The following OGA variants were observed in gnomAD, a reference collection of about 807,000 sequenced individuals.
The protein encoded by OGA is O-GlcNAcase, also known as protein O-GlcNAcase.
A neutral mutation model predicts 102.0 loss-of-function variants in OGA; 21 were observed. The ratio of observed to expected loss-of-function variants is 0.21; its 90% CI spans 0.15 to 0.30. The LOEUF is 0.30. Ranked by LOEUF, OGA falls within the 10% of genes least tolerant of loss-of-function variation. The pLI is 1.00. For missense variants in OGA, 765 were observed against 1,107.8 expected (o/e 0.69, Z 4.39); for synonymous variants, 408 against 378.2 (o/e 1.08, Z -0.91).
chr10:101,815,707 A>C (rs1216226310), intron 1 of OGA, among the ~76,000 whole-genome samples: 1 of 152,020 alleles, frequency 6.6e-6, no homozygotes, highest in Non-Finnish European at 1.5e-5. Context: ...CTCCAATATA[A>C]AAAAAGACTT....
At chr10:101,797,949 G>C in intron 10 of OGA, 31 bp downstream of exon 10, 1 of 1,590,886 alleles carries the variant, frequency 6.3e-7, no homozygotes. Context: ...CAATATATTT[G>C]AGGAGAAGAG....
At chr10:101,812,263 C>T (rs946814946) in intron 3 of OGA, among the ~76,000 whole-genome samples, 4 of 152,072 alleles carry the variant, frequency 2.6e-5, no homozygotes, top group African/African-American at 4.8e-5. Flanking sequence ...GCAGGCCGGC[C>T]GGGCACAGGA....
Position 101,800,257 on chromosome 10 carries a change from G to A in OGA, c.1180C>T (p.Pro394Ser), listed in dbSNP as rs767428001. 14 of 1,613,772 alleles carry A rather than the reference G, an allele frequency of 8.7e-6. No homozygotes were observed. The South Asian group carries it at 1.4e-4, about 16-fold the overall frequency. The change falls in exon 8 of 16, where the codon CCT becomes TCT. Residue 394 changes from proline to serine, a missense_variant. Transcript: ENST00000361464. ...LTEWLQEFGV[P>S]HQYSSRQVAH... Reference sequence around the variant, plus strand: ...CCAAACTCACTGCTGTATTGATGAGGCACACCAAACTCTTGCAACCATTCT... The same window carrying A: ...CCAAACTCACTGCTGTATTGATGAGACACACCAAACTCTTGCAACCATTCT...
chr10:101,811,406 G>GAAAAAAAAAAAAAAAAAAAAAAAAAAA (rs67433227), intron 3 of OGA, among the ~76,000 whole-genome samples: 1 of 45,704 alleles, frequency 2.2e-5, no homozygotes, highest in African/African-American at 9.9e-5. Context: ...GAAAAAAAAT[G>GAAAAAAAAAAAAAAAAAAAAAAAAAAA]AAAAAAAAAA....
At chr10:101,804,113 G>A in intron 6 of OGA, 94 bp from the exon 7 acceptor site, 2 of 1,170,240 alleles carry the variant, frequency 1.7e-6, no homozygotes, top group South Asian at 3.0e-5. Context: ...GGGAGGCAGA[G>A]GTGGGCAGAT....
intron 3 of OGA, among the ~76,000 whole-genome samples, chr10:101,812,154 C>A (rs551403705): frequency 8.1e-4 from 124 of 152,318 alleles, no homozygotes; most frequent in African/African-American, 2.8e-3. Flanking sequence ...TCACCATTTA[C>A]AAGTTCCCAA....
intron 7 of OGA, among the ~76,000 whole-genome samples, chr10:101,802,787 TATTA>T (rs1017589610): frequency 1.5e-4 from 22 of 151,670 alleles, no homozygotes; most frequent in Admixed American, 4.6e-4. Flanking sequence ...CTTAGAACTC[TATTA>T]ATTAGAGATT....
chr10:101,809,490 T>A (rs1248513883), intron 4 of OGA, among the ~76,000 whole-genome samples: 1 of 151,994 alleles, frequency 6.6e-6, no homozygotes, highest in African/African-American at 2.4e-5. Context: ...CTGAAGTGGG[T>A]GAATCACCTA....
chr10:101,792,832 C>T lies in OGA; in HGVS notation c.2175+7G>A. 2 of 1,572,872 alleles carry T rather than the reference C, an allele frequency of 1.3e-6. No individual in the cohort carries two copies. The highest frequency in any genetic ancestry group is 1.1e-5 in the South Asian group (1 of 90,130). On this transcript the variant is annotated splice_region_variant and intron_variant, in intron 12 of 15. Coordinates refer to ENST00000361464, the MANE Select transcript of OGA (RefSeq NM_012215.5). ...TACACCAAGTTGGTAGGTAGAGAGACAATTACCTCATCCTTAGGAAAATAA... is the reference window on the plus strand; with the variant it reads ...TACACCAAGTTGGTAGGTAGAGAGATAATTACCTCATCCTTAGGAAAATAA...
chr10:101,808,979 A>C (rs1247685663), intron 4 of OGA, among the ~76,000 whole-genome samples: 1 of 152,076 alleles, frequency 6.6e-6, no homozygotes, highest in East Asian at 1.9e-4. Context: ...CAAAAAAAAA[A>C]AGGAAAATGG....
intron 15 of OGA, among the ~76,000 whole-genome samples, chr10:101,786,941 G>A (rs1289038615): frequency 6.6e-6 from 1 of 152,058 alleles, no homozygotes; most frequent in African/African-American, 2.4e-5. Context: ...TAGAGACAGG[G>A]TTTCACCATG....
rs779922905 is a variant in OGA, at chr10:101,787,543, T to C, written c.2455-20A>G. On this transcript the variant is annotated intron_variant, in intron 14 of 15. Coordinates refer to ENST00000361464, the MANE Select transcript of OGA (RefSeq NM_012215.5). ...TATTTTCTGGAAAAATTAGAATCTC[T>C]TGACTTTCACAATAGTTACGCATTA... is the stretch of plus-strand genomic sequence containing the variant. 9.4e-6 allele frequency: 15 copies of C among 1,596,662 alleles called. No homozygotes were observed. The highest frequency in any genetic ancestry group is 4.5e-5 in the East Asian group (2 of 44,606).
At chr10:101,815,989 A>AAAAAAAAAAG (rs2065618933) in intron 1 of OGA, among the ~76,000 whole-genome samples, 1 of 150,106 alleles carries the variant, frequency 6.7e-6, no homozygotes, top group Non-Finnish European at 1.5e-5. Context: ...AAAAAAAAAA[A>AAAAAAAAAAG]AGCCAGGCGC....
chr10:101,804,659 T>C (rs184999806), intron 6 of OGA, among the ~76,000 whole-genome samples: 9 of 152,066 alleles, frequency 5.9e-5, no homozygotes, highest in Admixed American at 1.3e-4. Context: ...GGAGTAATCA[T>C]GGCTCACTGC....
chr10:101,796,654 T>C (rs1456451948), intron 10 of OGA, among the ~76,000 whole-genome samples: 1 of 152,058 alleles, frequency 6.6e-6, no homozygotes, highest in East Asian at 1.9e-4. Context: ...CACTGCAACC[T>C]CTGCCTCCTG....
At chr10:101,807,338 G>A (rs1387711989) in intron 5 of OGA, among the ~76,000 whole-genome samples, 1 of 152,160 alleles carries the variant, frequency 6.6e-6, no homozygotes, top group Non-Finnish European at 1.5e-5. Flanking sequence ...GAGCCCAGAT[G>A]GGAGTGGGAG....
In OGA at chr10:101,818,094, G is replaced by A. The variant is rs1299807651; in HGVS notation, c.-72C>T. On this transcript the variant is annotated 5_prime_UTR_variant, in exon 1 of 16. Coordinates refer to ENST00000361464, the MANE Select transcript of OGA (RefSeq NM_012215.5). ...CTGTCCGTTGGGGCACCGGCCCGGA[G>A]CCCTGGAGAGGGCTTCAGCTCCAAG... 2.8e-6 allele frequency: 4 copies of A among 1,447,630 alleles called. No individual in the cohort carries two copies. The highest frequency in any genetic ancestry group is 3.6e-6 in the Non-Finnish European group (4 of 1,098,996). 89.7% of individuals were successfully genotyped at this position (1,447,630 alleles called of 1,614,324 possible). A position where few individuals can be genotyped will look rare whatever the true frequency, so the allele number is the denominator to read the frequency against.
At chr10:101,815,957 AAG>A (rs796190525) in intron 1 of OGA, among the ~76,000 whole-genome samples, 10,598 of 111,344 alleles carry the variant, frequency 0.095, 3,811 homozygotes, top group Non-Finnish European at 0.13. Context: ...AGGTATCAAA[AAG>A]AGAGAAAAAA....
chr10:101,812,914 A>G, intron 3 of OGA, 116 bp downstream of exon 3: 1 of 862,578 alleles, frequency 1.2e-6, no homozygotes, highest in Non-Finnish European at 2.0e-6. Flanking sequence ...ATAGAAGAAA[A>G]GGAAACTACC....
Sources: gnomAD v4.1 joint callset for allele counts (sites outside exome capture counted in the v4.1 genomes callset) on GRCh38, gnomAD v4.1.1 for gene constraint, MANE v1.5 for transcripts, NCBI Gene and HGNC (gene_info 2026-07-23, HGNC 2026-07-21) for gene names.